Variants in FER observed in about 807,000 individuals in gnomAD.
FER encodes the protein FER tyrosine kinase.
Under a neutral mutation model 111.0 loss-of-function variants are expected in FER, and 63 were observed. That is an observed-to-expected ratio of 0.57 (90% CI 0.46 to 0.70). The LOEUF (loss-of-function observed/expected upper bound fraction) is 0.70. FER is among the 30% of genes least tolerant of loss of function. FER has a pLI of 0.00. For synonymous variants in FER, 327 were observed against 313.9 expected (o/e 1.04, Z -0.44); for missense variants, 914 against 954.0 (o/e 0.96, Z 0.55).
intron 5 of FER, among the ~76,000 whole-genome samples, chr5:108,851,687 T>C (rs1762558356): frequency 6.6e-6 from 1 of 152,238 alleles, no homozygotes; most frequent in Non-Finnish European, 1.5e-5. Context: ...TGAAATTTTA[T>C]AGTTTACTTA....
chr5:109,126,350 A>T (rs994035941), intron 17 of FER, among the ~76,000 whole-genome samples: 8 of 152,146 alleles, frequency 5.3e-5, no homozygotes, highest in Admixed American at 3.9e-4. Flanking sequence ...GGCTAGAGCA[A>T]CAGGAGCAAT....
At chr5:109,069,953 A>G (rs1775572617) in intron 16 of FER, among the ~76,000 whole-genome samples, 1 of 152,134 alleles carries the variant, frequency 6.6e-6, no homozygotes, top group African/African-American at 2.4e-5. Flanking sequence ...GCAGCCACAC[A>G]TAAGCTTAGA....
intron 5 of FER, among the ~76,000 whole-genome samples, chr5:108,837,379 C>G (rs1439470065): frequency 1.3e-5 from 2 of 152,188 alleles, no homozygotes; most frequent in Non-Finnish European, 2.9e-5. Flanking sequence ...CACAAGGTAT[C>G]CCTTGCTAAA....
In FER at chr5:108,832,858, G is replaced by A. The variant is rs1760193063; in HGVS notation, c.296G>A (p.Arg99Lys). The change falls in exon 4 of 20, where the codon AGG becomes AAG. Residue 99 changes from arginine to lysine, a missense_variant. Physicochemically the swap from Arg to Lys is conservative, Grantham distance 26. Transcript: ENST00000281092. ...AEDLNSGPLH[R>K]LTMMIKDKQQ... is the part of the protein sequence containing the mutation. ...GACTTGAACTCTGGACCTTTACACA[G>A]GCTCACCATGATGATTAAGGACAAG... 1.2e-6 allele frequency: 2 copies of A among 1,608,656 alleles called. No homozygotes were observed. The highest frequency in any genetic ancestry group is 1.7e-6 in the Non-Finnish European group (2 of 1,177,134).
intron 14 of FER, among the ~76,000 whole-genome samples, chr5:109,039,146 C>T (rs1770796397): frequency 6.6e-6 from 1 of 151,528 alleles, no homozygotes; most frequent in African/African-American, 2.4e-5. Flanking sequence ...GACAATTAGC[C>T]ATGATTCCTA....
intron 16 of FER, among the ~76,000 whole-genome samples, chr5:109,053,779 C>G (rs1159125701): frequency 6.6e-6 from 1 of 150,786 alleles, no homozygotes; most frequent in Non-Finnish European, 1.5e-5. Flanking sequence ...CAAGCTCCGC[C>G]TCCTGGGTTC....
rs1436778836 is a variant in FER, at chr5:109,196,651, C to A, written c.*9076C>A. 1 of 152,116 alleles carries A rather than the reference C, an allele frequency of 6.6e-6. No individual in the cohort carries two copies. The highest frequency in any genetic ancestry group is 1.5e-5 in the Non-Finnish European group (1 of 67,996). 9.4% of individuals were successfully genotyped at this position (152,116 alleles called of 1,614,324 possible). ...AGTTTTTACATTCAAAAGAAATACA[C>A]TTTGAACTTTGGCTAACATTGTAGG... On this transcript the variant is annotated 3_prime_UTR_variant, in exon 20 of 20. Transcript: ENST00000281092.
intron 1 of FER, among the ~76,000 whole-genome samples, chr5:108,767,664 T>G (rs544781654): frequency 6.6e-6 from 1 of 152,200 alleles, no homozygotes; most frequent in Non-Finnish European, 1.5e-5. Context: ...TTTAAACTTA[T>G]AGAGACTAGG....
intron 10 of FER, among the ~76,000 whole-genome samples, chr5:108,936,002 G>C (rs1755415309): frequency 6.6e-6 from 1 of 151,994 alleles, no homozygotes; most frequent in East Asian, 1.9e-4. Context: ...TGTCTTGCAA[G>C]AACTATTTAT....
intron 5 of FER, among the ~76,000 whole-genome samples, chr5:108,862,263 A>G (rs1360565883): frequency 6.6e-6 from 1 of 152,308 alleles, no homozygotes; most frequent in African/African-American, 2.4e-5. Flanking sequence ...GCTGTTTGTC[A>G]TATACTATAT....
intron 13 of FER, among the ~76,000 whole-genome samples, chr5:109,009,044 C>CT (rs1030906789): frequency 0.12 from 13,624 of 115,830 alleles, 1,193 homozygotes; most frequent in African/African-American, 0.14. Flanking sequence ...CCTCTTCAGT[C>CT]TTTTTTTTTT....
At chr5:109,152,673 G>A (rs1479257831) in intron 17 of FER, among the ~76,000 whole-genome samples, 1 of 151,890 alleles carries the variant, frequency 6.6e-6, no homozygotes, top group South Asian at 2.1e-4. Context: ...ATAACTTCAC[G>A]GTGAAATTAT....
intron 1 of FER, among the ~76,000 whole-genome samples, chr5:108,753,609 A>T (rs1340853521): frequency 6.6e-6 from 1 of 152,184 alleles, no homozygotes; most frequent in East Asian, 1.9e-4. Context: ...CATTTTCTCA[A>T]TCTGTTTAAA....
At chr5:108,968,968 T>A (rs1760265749) in intron 13 of FER, among the ~76,000 whole-genome samples, 1 of 151,918 alleles carries the variant, frequency 6.6e-6, no homozygotes, top group Admixed American at 6.6e-5. Flanking sequence ...AAAGGAAAAA[T>A]AAAAATATAT....
intron 10 of FER, among the ~76,000 whole-genome samples, chr5:108,940,061 T>A (rs1756047811): frequency 6.6e-6 from 1 of 151,982 alleles, no homozygotes; most frequent in Admixed American, 6.6e-5. Context: ...CTGAAACTCA[T>A]CAATAAAGGA....
intron 13 of FER, among the ~76,000 whole-genome samples, chr5:108,995,427 C>T (rs1179844648): frequency 6.6e-6 from 1 of 151,936 alleles, no homozygotes; most frequent in Non-Finnish European, 1.5e-5. Context: ...GCCCCCCACC[C>T]CCCAACAGGC....
intron 18 of FER, among the ~76,000 whole-genome samples, chr5:109,183,935 A>G (rs1420343995): frequency 1.3e-5 from 2 of 152,218 alleles, no homozygotes; most frequent in African/African-American, 2.4e-5. Context: ...CTCTTGATAC[A>G]GTCTCATACT....
At chr5:108,879,304 C>T (rs964150662) in intron 8 of FER, among the ~76,000 whole-genome samples, 9 of 151,800 alleles carry the variant, frequency 5.9e-5, no homozygotes, top group African/African-American at 2.2e-4. Flanking sequence ...TTATATATAA[C>T]GTGTGCCATG....
intron 17 of FER, among the ~76,000 whole-genome samples, chr5:109,168,021 TGAAA>T (rs148837725): frequency 0.095 from 14,530 of 152,174 alleles, 816 homozygotes; most frequent in African/African-American, 0.16. Context: ...ACCAAATGCC[TGAAA>T]GAGTGAACCT....
Sources: gnomAD v4.1 joint callset for allele counts (sites outside exome capture counted in the v4.1 genomes callset) on GRCh38, gnomAD v4.1.1 for gene constraint, MANE v1.5 for transcripts, NCBI Gene and HGNC (gene_info 2026-07-23, HGNC 2026-07-21) for gene names.